APAF1: variants seen among roughly 807,000 people sequenced by gnomAD.
The protein encoded by APAF1 is apoptotic protease-activating factor 1.
Under a neutral mutation model 152.4 loss-of-function variants are expected in APAF1, and 91 were observed. The observed-to-expected ratio is 0.60, with a 90% confidence interval of 0.50 to 0.71. The LOEUF is 0.71. APAF1 is among the 30% of genes least tolerant of loss of function. The pLI is 0.00. For synonymous variants in APAF1, 484 were observed against 494.1 expected, an observed-to-expected ratio of 0.98 and a Z score of 0.27; for missense variants, 1,283 against 1,472.0, an observed-to-expected ratio of 0.87 and a Z score of 2.10.
chr12:98,653,284 T>C (rs1466851201), intron 4 of APAF1, among the ~76,000 whole-genome samples: 1 of 152,114 alleles, frequency 6.6e-6, no homozygotes, highest in Non-Finnish European at 1.5e-5. Flanking sequence ...ATATAAGAGA[T>C]CTAAATTTGA....
At position 98,735,201 on chromosome 12, in the gene APAF1, G is replaced by A; in HGVS notation, c.*2635G>A. The A allele has an allele frequency of 2.5e-6, 1 of 398,980 alleles. No homozygotes were observed. Among genetic ancestry groups the A allele is most frequent in the East Asian group, 3.6e-5 (1 of 28,086 alleles). The allele number at this position is 398,980 out of a possible 1,614,324, so 24.7% of individuals were successfully genotyped here. On this transcript the variant is annotated 3_prime_UTR_variant, in exon 27 of 27. Transcript: ENST00000551964. ...GTCAAGAGGAGGATTTTGTTTTGTA[G>A]TTTGCAGATGAGCATTTCTAAAGCA...
At chr12:98,674,184 G>A (rs940150679) in intron 12 of APAF1, among the ~76,000 whole-genome samples, 2 of 152,032 alleles carry the variant, frequency 1.3e-5, no homozygotes, top group Middle Eastern at 3.4e-3. Context: ...TAGAGATAAG[G>A]TCTCACTATG....
At chr12:98,682,598 A>G (rs2097693600) in intron 14 of APAF1, among the ~76,000 whole-genome samples, 1 of 152,200 alleles carries the variant, frequency 6.6e-6, no homozygotes, top group East Asian at 1.9e-4. Flanking sequence ...TAACTAAGCA[A>G]TCTGCCTTTA....
At chr12:98,709,842 G>T (rs1357041145) in intron 20 of APAF1, among the ~76,000 whole-genome samples, 2 of 152,128 alleles carry the variant, frequency 1.3e-5, no homozygotes, top group Non-Finnish European at 2.9e-5. Context: ...GGATTGAGAA[G>T]GACAGAAACC....
intron 4 of APAF1, among the ~76,000 whole-genome samples, chr12:98,655,325 G>A (rs1388522957): frequency 3.3e-5 from 5 of 150,660 alleles, no homozygotes; most frequent in Admixed American, 1.3e-4. Context: ...ATCCTGGCCC[G>A]TTCTCAATGA....
intron 13 of APAF1, among the ~76,000 whole-genome samples, chr12:98,679,631 G>A (rs2097690264): frequency 6.6e-6 from 1 of 152,238 alleles, no homozygotes; most frequent in Non-Finnish European, 1.5e-5. Flanking sequence ...CCAGACTTGG[G>A]AGCTCCCCAA....
intron 21 of APAF1, among the ~76,000 whole-genome samples, chr12:98,714,332 C>A (rs1046018841): frequency 2.0e-5 from 3 of 152,166 alleles, no homozygotes; most frequent in South Asian, 4.1e-4. Context: ...TGTGAAATTA[C>A]CAGCATTTAC....
chr12:98,676,123 A>G (rs990658384), intron 12 of APAF1, among the ~76,000 whole-genome samples: 1 of 152,212 alleles, frequency 6.6e-6, no homozygotes, highest in Admixed American at 6.5e-5. Context: ...CTTGTACTCA[A>G]AGTGACAGGG....
At chr12:98,684,206 GT>G (rs2097695442) in intron 15 of APAF1, among the ~76,000 whole-genome samples, 1 of 152,070 alleles carries the variant, frequency 6.6e-6, no homozygotes, top group South Asian at 2.1e-4. Context: ...TACTGAAACA[GT>G]TATTGAAAAT....
At chr12:98,690,459 T>C (rs535343190) in intron 16 of APAF1, among the ~76,000 whole-genome samples, 8 of 152,350 alleles carry the variant, frequency 5.3e-5, no homozygotes, top group African/African-American at 1.9e-4. Flanking sequence ...AGCCTATTAT[T>C]TCCTGGTTTT....
chr12:98,690,752 TG>T (rs776551018), intron 16 of APAF1, among the ~76,000 whole-genome samples: 1 of 152,236 alleles, frequency 6.6e-6, no homozygotes, highest in Non-Finnish European at 1.5e-5. Flanking sequence ...AATCCTTTTC[TG>T]CTGTTCTTAA....
Position 98,699,489 on chromosome 12 carries a change from G to A in APAF1, c.2386G>A (p.Asp796Asn). 1.9e-6 allele frequency: 3 copies of A among 1,614,170 alleles called. No individual in the cohort carries two copies. The highest frequency in any genetic ancestry group is 1.7e-6 in the Non-Finnish European group (2 of 1,180,012). ...FFLNLEDPQE[D>N]MEVIVKCCSW... ...CCTAAATTTGGAGGACCCTCAAGAGGATATGGAAGTGATAGTGAAGTGTTG... is the reference window on the plus strand; with the variant it reads ...CCTAAATTTGGAGGACCCTCAAGAGAATATGGAAGTGATAGTGAAGTGTTG... The change falls in exon 17 of 27, where the codon GAT (aspartate) becomes AAT (asparagine). Residue 796 changes from aspartate (D) to asparagine (N), a missense_variant. By Grantham distance (23) the Asp-to-Asn change is conservative. Transcript: ENST00000551964.
In APAF1 at chr12:98,648,498, G is replaced by GTAAA; in HGVS notation, c.138+2_138+5dup. 6.2e-7 allele frequency: 1 copy of GTAAA among 1,613,232 alleles called. No homozygotes were observed. Among genetic ancestry groups the GTAAA allele is most frequent in the Non-Finnish European group, 8.5e-7 (1 of 1,179,744 alleles). On this transcript the variant is annotated splice_donor_variant, in intron 2 of 26. Transcript: ENST00000551964. LOFTEE classifies it high-confidence loss of function. ...AGAAGAGGAAAAAGTAAGAAATGAGGTAAAGCTCTCTGAAGCAGTCCACAC... is the reference window on the plus strand; with the variant it reads ...AGAAGAGGAAAAAGTAAGAAATGAGGTAAATAAAGCTCTCTGAAGCAGTCCACAC...
chr12:98,659,429 T>C, intron 5 of APAF1, 86 bp downstream of exon 5: 1 of 1,372,374 alleles, frequency 7.3e-7, no homozygotes, highest in South Asian at 1.2e-5. Flanking sequence ...ATCATGCCTT[T>C]TTCCTGCTGT....
At chr12:98,654,232 A>AGCT (rs2097653506) in intron 4 of APAF1, among the ~76,000 whole-genome samples, 2 of 152,234 alleles carry the variant, frequency 1.3e-5, no homozygotes, top group Admixed American at 1.3e-4. Flanking sequence ...GCCTTTTTAA[A>AGCT]GCTGGTAGTG....
intron 16 of APAF1, among the ~76,000 whole-genome samples, chr12:98,690,364 C>T (rs895642938): frequency 6.6e-6 from 1 of 152,180 alleles, no homozygotes; most frequent in African/African-American, 2.4e-5. Flanking sequence ...TATCTATCTG[C>T]TTCTTCCTTT....
Position 98,659,148 on chromosome 12 carries a change from T to C in APAF1, c.527-12T>C. The stretch of plus-strand genomic sequence containing the variant: ...TGAAAGGCCTTAAGTTCATTATTCT[T>C]TCCCTCACTAGGTTGTTTCCCAGGG... On this transcript the variant is annotated splice_polypyrimidine_tract_variant and intron_variant, in intron 4 of 26. Coordinates refer to ENST00000551964, the MANE Select transcript of APAF1 (RefSeq NM_181861.2). 6.2e-7 allele frequency: 1 copy of C among 1,613,976 alleles called. No individual in the cohort carries two copies. The highest frequency in any genetic ancestry group is 8.5e-7 in the Non-Finnish European group (1 of 1,179,838).
chr12:98,725,298 A>G (rs2097748820), intron 24 of APAF1, 117 bp from the exon 25 acceptor site: 2 of 1,332,002 alleles, frequency 1.5e-6, no homozygotes, highest in Admixed American at 3.8e-5. Context: ...ATGACAGTTT[A>G]TGAATTGCCA....
At position 98,680,376 on chromosome 12, in the gene APAF1, A is replaced by G. The variant is rs1429896032; in HGVS notation, c.2020A>G (p.Thr674Ala). 6.2e-7 allele frequency: 1 copy of G among 1,613,736 alleles called. No homozygotes were observed. Among genetic ancestry groups the G allele is most frequent in the Non-Finnish European group, 8.5e-7 (1 of 1,179,946 alleles). ...CTCTACAGATGACAGATTTATAGCAACCTGCTCAGTGGATAAAAAAGTGAA... is the reference window on the plus strand; with the variant it reads ...CTCTACAGATGACAGATTTATAGCAGCCTGCTCAGTGGATAAAAAAGTGAA... The part of the protein sequence containing the change: ...AFSTDDRFIA[T>A]CSVDKKVKIW... The change falls in exon 14 of 27, where the codon ACC (threonine) becomes GCC (alanine). Residue 674 changes from threonine (T) to alanine (A), a missense_variant. Physicochemically the swap from Thr to Ala is moderately conservative, Grantham distance 58. Transcript: ENST00000551964.
Sources: allele counts gnomAD v4.1 joint callset (sites outside exome capture counted in the v4.1 genomes callset), GRCh38; gene constraint gnomAD v4.1.1; transcripts MANE v1.5; gene names NCBI Gene and HGNC (gene_info 2026-07-23, HGNC 2026-07-21).